The following ADGRF5 variants were observed in gnomAD, a reference collection of about 807,000 sequenced individuals.
The protein encoded by ADGRF5 is G-protein coupled receptor 116.
In ADGRF5, 75 loss-of-function variants were observed where a neutral mutation model predicts 132.3. The observed-to-expected ratio is 0.57, with a 90% CI of 0.47 to 0.69. The LOEUF (loss-of-function observed/expected upper bound fraction) is 0.69, where lower values mean the gene tolerates loss of function less well. Among genes scored for constraint, ADGRF5 ranks in the 30% least tolerant of loss-of-function variants. The pLI is 0.00. For missense variants in ADGRF5, 1,516 were observed against 1,630.6 expected, an observed-to-expected ratio of 0.93 and a Z score of 1.21; for synonymous variants, 629 against 597.6, an observed-to-expected ratio of 1.05 and a Z score of -0.77.
intron 4 of ADGRF5, chr6:46,886,923 T>G (rs1212852897): frequency 6.6e-6 from 1 of 152,192 alleles, no homozygotes; most frequent in African/African-American, 2.4e-5. Flanking sequence ...ACCCCCTCTA[T>G]GTGTGAATGA....
chr6:46,869,420 C>A (rs527503409), intron 11 of ADGRF5: 10 of 983,934 alleles, frequency 1.0e-5, no homozygotes, highest in Non-Finnish European at 1.1e-5. Context: ...CCTTATCCCA[C>A]GCTCCCCTCC....
chr6:46,876,420 G>A (rs1310676809), intron 10 of ADGRF5, among the ~76,000 whole-genome samples: 2 of 152,154 alleles, frequency 1.3e-5, no homozygotes, highest in Non-Finnish European at 2.9e-5. Flanking sequence ...AGTTCCTTCA[G>A]GATACCTACA....
intron 3 of ADGRF5, among the ~76,000 whole-genome samples, chr6:46,897,300 C>G (rs988119793): frequency 1.3e-5 from 2 of 151,562 alleles, no homozygotes; most frequent in African/African-American, 4.8e-5. Context: ...ATTCCAAATG[C>G]TAAAGATTTT....
intron 3 of ADGRF5, among the ~76,000 whole-genome samples, chr6:46,889,264 G>A (rs1014194096): frequency 3.5e-5 from 5 of 144,696 alleles, no homozygotes; most frequent in Non-Finnish European, 3.0e-5. Context: ...TATATATATA[G>A]ACTACTATAT....
intron 10 of ADGRF5, among the ~76,000 whole-genome samples, chr6:46,876,270 C>G (rs933468074): frequency 6.6e-6 from 1 of 152,240 alleles, no homozygotes; most frequent in Non-Finnish European, 1.5e-5. Context: ...CATTGTTCTG[C>G]AGTCATTCAT....
Position 46,915,136 on chromosome 6 carries a change from G to A in ADGRF5, c.-25+6577C>T, listed in dbSNP as rs544632649. Among the ~76,000 whole-genome samples, 25 of 152,098 alleles carry A rather than the reference G, an allele frequency of 1.6e-4. No individual in the cohort carries two copies. In the East Asian group the frequency reaches 4.3e-3, roughly 26 times the overall value. On this transcript the variant is annotated intron_variant, in intron 1 of 20. Transcript: ENST00000283296. ...CTCCCAAAGTGCTGGGATTATAGAC[G>A]TGAGCCACTGCACCCGGCCCAGTTT...
rs776900425 is a variant in ADGRF5 at position 46,865,099 on chromosome 6, TAA to T, written c.1931_1932del (p.Phe644TyrfsTer5). The T allele has an allele frequency of 1.9e-6, 3 of 1,611,046 alleles. No individual in the cohort carries two copies. The highest frequency in any genetic ancestry group is 1.7e-6 in the Non-Finnish European group (2 of 1,177,156). ...CSKTVDVCCH[F>X]TNAANNSVWS... The stretch of plus-strand genomic sequence containing the variant: ...CAGACTGAATTATTAGCAGCATTGG[TAA>T]AGTGACAACACACATCAACAGTTTT... On this transcript the variant is annotated frameshift_variant, in exon 14 of 21. Transcript: ENST00000283296. LOFTEE classifies it high-confidence loss of function.
chr6:46,934,866 A>C (rs1582061040), intron 1 of ADGRF5, among the ~76,000 whole-genome samples: 1 of 152,240 alleles, frequency 6.6e-6, no homozygotes, highest in East Asian at 1.9e-4. Context: ...AAGTACATTA[A>C]TTAGCAGCTT....
intron 1 of ADGRF5, among the ~76,000 whole-genome samples, chr6:46,948,281 C>A (rs1358341734): frequency 6.6e-6 from 1 of 152,080 alleles, no homozygotes; most frequent in African/African-American, 2.4e-5. Context: ...ATGTTAGGAC[C>A]AAGATGCAAA....
intron 1 of ADGRF5, among the ~76,000 whole-genome samples, chr6:46,930,942 T>C (rs1777528945): frequency 6.6e-6 from 1 of 151,998 alleles, no homozygotes; most frequent in South Asian, 2.1e-4. Flanking sequence ...TAGTCCTAGC[T>C]ACCAGGGAGG....
chr6:46,866,074 C>A (rs950957469), intron 13 of ADGRF5, among the ~76,000 whole-genome samples: 9 of 152,126 alleles, frequency 5.9e-5, no homozygotes, highest in Admixed American at 3.9e-4. Flanking sequence ...GGATTAAGGG[C>A]ACCATCTACC....
intron 1 of ADGRF5, among the ~76,000 whole-genome samples, chr6:46,927,290 A>C (rs1253233339): frequency 7.5e-6 from 1 of 133,558 alleles, no homozygotes; most frequent in Non-Finnish European, 1.6e-5. Context: ...ATGTTAGAGC[A>C]AAGGGCGGCG....
intron 4 of ADGRF5, among the ~76,000 whole-genome samples, chr6:46,887,220 C>G (rs1265380258): frequency 2.6e-5 from 4 of 152,120 alleles, no homozygotes; most frequent in Admixed American, 6.5e-5. Flanking sequence ...ACAGAGATAC[C>G]AAAAGGTTTC....
chr6:46,891,411 T>G (rs533903199), intron 3 of ADGRF5, among the ~76,000 whole-genome samples: 16 of 152,310 alleles, frequency 1.1e-4, no homozygotes, highest in African/African-American at 3.8e-4. Flanking sequence ...CGCACATTCT[T>G]TTTCCTGAAA....
At chr6:46,942,179 T>A (rs1190154089) in intron 1 of ADGRF5, among the ~76,000 whole-genome samples, 1 of 152,064 alleles carries the variant, frequency 6.6e-6, no homozygotes, top group Non-Finnish European at 1.5e-5. Context: ...CATCACCTCC[T>A]CCCCCTGTCA....
intron 1 of ADGRF5, among the ~76,000 whole-genome samples, chr6:46,914,864 TG>T (rs1776294071): frequency 2.0e-5 from 3 of 152,074 alleles, no homozygotes; most frequent in South Asian, 4.2e-4. Flanking sequence ...TTTGTTTGTT[TG>T]TTTTTTTTGA....
chr6:46,884,915 T>C (rs1772890894), intron 4 of ADGRF5, among the ~76,000 whole-genome samples: 1 of 151,914 alleles, frequency 6.6e-6, no homozygotes, highest in Non-Finnish European at 1.5e-5. Flanking sequence ...AGAAATAAAT[T>C]TTACAGGCCA....
At chr6:46,953,015 G>A (rs1317800403) in intron 1 of ADGRF5, among the ~76,000 whole-genome samples, 2 of 152,166 alleles carry the variant, frequency 1.3e-5, no homozygotes. Context: ...CACAGAAATA[G>A]GCAGGCATTA....
chr6:46,877,276 T>TTTCTTTCTTTCC (rs1258480936), intron 10 of ADGRF5, among the ~76,000 whole-genome samples: 1 of 42,602 alleles, frequency 2.3e-5, no homozygotes, highest in East Asian at 4.7e-4. Context: ...TCTTTCTTTC[T>TTTCTTTCTTTCC]TTCTTTCTTT....
Sources: allele counts gnomAD v4.1 joint callset (sites outside exome capture counted in the v4.1 genomes callset), GRCh38; gene constraint gnomAD v4.1.1; transcripts MANE v1.5; gene names NCBI Gene and HGNC (gene_info 2026-07-23, HGNC 2026-07-21).